Variants in ST6GALNAC5 observed in about 807,000 individuals in gnomAD.
The protein encoded by ST6GALNAC5 is alpha-N-acetylgalactosaminide alpha-2,6-sialyltransferase 5.
A neutral mutation model predicts 33.6 loss-of-function variants in ST6GALNAC5; 27 were observed. The ratio of observed to expected loss-of-function variants is 0.80; its 90% CI spans 0.59 to 1.11. The LOEUF is 1.11. ST6GALNAC5 is among the 50% of genes least tolerant of loss of function. The pLI, the probability that ST6GALNAC5 is intolerant of heterozygous loss-of-function variation, is 0.00. For missense variants in ST6GALNAC5, 428 were observed against 454.0 expected (o/e 0.94, Z 0.52); for synonymous variants, 194 against 171.2 (o/e 1.13, Z -1.04).
chr1:77,063,386 T>C lies in ST6GALNAC5; in HGVS notation c.*180T>C. The stretch of plus-strand genomic sequence containing the variant: ...GTGCAGTTGGATTGTAAGGAAAAAT[T>C]CCGGAATTAATGCATCCTAATGAAT... On this transcript the variant is annotated 3_prime_UTR_variant, in exon 5 of 5. Transcript: ENST00000477717. 3 of 609,586 alleles carry C rather than the reference T, an allele frequency of 4.9e-6. No individual in the cohort carries two copies. The highest frequency in any genetic ancestry group is 2.7e-4 in the Middle Eastern group (1 of 3,760). 37.8% of individuals were successfully genotyped at this position (609,586 alleles called of 1,614,324 possible).
chr1:77,026,878 C>T (rs139613362), intron 2 of ST6GALNAC5, among the ~76,000 whole-genome samples: 120 of 152,306 alleles, frequency 7.9e-4, no homozygotes, highest in African/African-American at 2.8e-3. Flanking sequence ...GGAACACACT[C>T]CTGGATTCTG....
intron 2 of ST6GALNAC5, among the ~76,000 whole-genome samples, chr1:76,988,389 T>G (rs899508562): frequency 6.6e-6 from 1 of 152,148 alleles, no homozygotes; most frequent in African/African-American, 2.4e-5. Context: ...TGAAGTTATA[T>G]TTTTGTGCTC....
At chr1:76,935,012 A>G (rs1487759642) in intron 2 of ST6GALNAC5, among the ~76,000 whole-genome samples, 1 of 152,080 alleles carries the variant, frequency 6.6e-6, no homozygotes, top group Non-Finnish European at 1.5e-5. Context: ...CTGGTTTAAT[A>G]GAAGTTATTT....
At chr1:76,958,018 G>C (rs1456048328) in intron 2 of ST6GALNAC5, among the ~76,000 whole-genome samples, 3 of 152,108 alleles carry the variant, frequency 2.0e-5, no homozygotes, top group Admixed American at 6.5e-5. Context: ...TTCTGGGTTT[G>C]TCTGATCATT....
intron 2 of ST6GALNAC5, among the ~76,000 whole-genome samples, chr1:77,016,152 A>G (rs1390398778): frequency 9.5e-5 from 3 of 31,482 alleles, no homozygotes; most frequent in African/African-American, 4.1e-4. Flanking sequence ...CCCCTCCTGT[A>G]TCTTCCCCTC....
At chr1:77,053,206 G>T (rs1009308984) in intron 4 of ST6GALNAC5, among the ~76,000 whole-genome samples, 2 of 152,124 alleles carry the variant, frequency 1.3e-5, no homozygotes, top group Non-Finnish European at 2.9e-5. Context: ...AAGAAGCAGA[G>T]AACTATTTGG....
intron 2 of ST6GALNAC5, among the ~76,000 whole-genome samples, chr1:76,979,853 A>G (rs531091518): frequency 6.6e-6 from 1 of 152,282 alleles, no homozygotes; most frequent in South Asian, 2.1e-4. Context: ...GAGGCATGAT[A>G]ATCACTTGAA....
intron 2 of ST6GALNAC5, among the ~76,000 whole-genome samples, chr1:76,895,941 G>T (rs1344698688): frequency 2.0e-5 from 3 of 152,210 alleles, no homozygotes; most frequent in East Asian, 1.9e-4. Context: ...AGTGGTAAAA[G>T]TATCATCCAG....
At chr1:76,939,646 A>G (rs745489765) in intron 2 of ST6GALNAC5, among the ~76,000 whole-genome samples, 1 of 152,072 alleles carries the variant, frequency 6.6e-6, no homozygotes, top group Non-Finnish European at 1.5e-5. Flanking sequence ...CACCAACTAC[A>G]AATCACTGAG....
intron 2 of ST6GALNAC5, among the ~76,000 whole-genome samples, chr1:76,972,387 A>G (rs1357614307): frequency 2.6e-5 from 4 of 152,198 alleles, no homozygotes; most frequent in Non-Finnish European, 5.9e-5. Flanking sequence ...GTGGGGACAC[A>G]GCCAAACCAT....
intron 2 of ST6GALNAC5, among the ~76,000 whole-genome samples, chr1:76,939,117 T>G (rs1647264796): frequency 1.3e-5 from 2 of 152,010 alleles, no homozygotes; most frequent in South Asian, 4.1e-4. Flanking sequence ...CCTTTTCATC[T>G]CAGGGACACT....
intron 2 of ST6GALNAC5, among the ~76,000 whole-genome samples, chr1:76,927,120 C>T (rs1276417614): frequency 1.3e-5 from 2 of 151,950 alleles, no homozygotes; most frequent in Non-Finnish European, 2.9e-5. Context: ...TTTATGATGT[C>T]CTTTTACTGT....
chr1:76,911,460 A>C (rs1646910504), intron 2 of ST6GALNAC5, among the ~76,000 whole-genome samples: 1 of 152,088 alleles, frequency 6.6e-6, no homozygotes, highest in Admixed American at 6.6e-5. Context: ...GGCCTCATAA[A>C]ATGAGTTAGG....
chr1:77,062,998 C>T lies in ST6GALNAC5; in HGVS notation c.803C>T (p.Pro268Leu), dbSNP rs752770582. 6.2e-7 allele frequency: 1 copy of T among 1,613,812 alleles called. No homozygotes were observed. The highest frequency in any genetic ancestry group is 8.5e-7 in the Non-Finnish European group (1 of 1,179,864). Residue 268 changes from proline (P) to leucine (L), a missense_variant, in exon 5 of 5, where the codon CCT becomes CTT. Coordinates refer to ENST00000477717, the MANE Select transcript of ST6GALNAC5 (RefSeq NM_030965.3). Reference protein sequence around the residue: ...FCRDPNHPSVPYHYYEPFGPD... With the variant: ...FCRDPNHPSVLYHYYEPFGPD... Reference sequence around the variant, plus strand: ...AGGGATCCCAATCACCCTTCAGTACCTTATCATTATTATGAACCTTTTGGA... The same window carrying T: ...AGGGATCCCAATCACCCTTCAGTACTTTATCATTATTATGAACCTTTTGGA...
At chr1:76,968,272 T>C (rs1265514389) in intron 2 of ST6GALNAC5, among the ~76,000 whole-genome samples, 1 of 152,230 alleles carries the variant, frequency 6.6e-6, no homozygotes, top group Non-Finnish European at 1.5e-5. Context: ...GTTCCTGTAT[T>C]GGGTGCATAT....
intron 2 of ST6GALNAC5, among the ~76,000 whole-genome samples, chr1:76,962,659 CTG>C (rs1648285945): frequency 6.6e-6 from 1 of 152,204 alleles, no homozygotes; most frequent in African/African-American, 2.4e-5. Context: ...CCCTCACTCT[CTG>C]TCTCTGTCTA....
At chr1:77,003,458 GT>G (rs1650258860) in intron 2 of ST6GALNAC5, among the ~76,000 whole-genome samples, 1 of 150,244 alleles carries the variant, frequency 6.7e-6, no homozygotes, top group Non-Finnish European at 1.5e-5. Context: ...TTGCCAGTCT[GT>G]GTCTTTTAAT....
chr1:76,907,440 A>G (rs1646874738), intron 2 of ST6GALNAC5, among the ~76,000 whole-genome samples: 3 of 152,036 alleles, frequency 2.0e-5, no homozygotes, highest in Admixed American at 1.3e-4. Flanking sequence ...ACTCATAAAA[A>G]CCACCAAGTC....
At chr1:77,061,251 A>T (rs1343265419) in intron 4 of ST6GALNAC5, among the ~76,000 whole-genome samples, 1 of 151,834 alleles carries the variant, frequency 6.6e-6, no homozygotes, top group Non-Finnish European at 1.5e-5. Context: ...GAATGTTTAG[A>T]TGCTGCATGA....
Sources: gnomAD v4.1 joint callset for allele counts (sites outside exome capture counted in the v4.1 genomes callset) on GRCh38, gnomAD v4.1.1 for gene constraint, MANE v1.5 for transcripts, NCBI Gene and HGNC (gene_info 2026-07-23, HGNC 2026-07-21) for gene names.